DHRSX: variants seen among roughly 807,000 people sequenced by gnomAD.
The protein encoded by DHRSX is polyprenol dehydrogenase.
Under a neutral mutation model 34.0 loss-of-function variants are expected in DHRSX, and 31 were observed. The ratio of observed to expected loss-of-function variants is 0.91; its 90% CI spans 0.69 to 1.23. The LOEUF (loss-of-function observed/expected upper bound fraction) is 1.23, where lower values mean the gene tolerates loss of function less well. Among genes scored for constraint, DHRSX ranks in the 50% most tolerant of loss-of-function variants. The probability of loss-of-function intolerance (pLI) is 0.00; values close to 1 mark genes in which losing one functional copy is unlikely to be tolerated. For synonymous variants in DHRSX, 201 were observed against 183.8 expected, an observed-to-expected ratio of 1.09 and a Z score of -0.76; for missense variants, 414 against 428.1, an observed-to-expected ratio of 0.97 and a Z score of 0.29.
intron 3 of DHRSX, among the ~76,000 whole-genome samples, chrX:2,379,415 T>C (rs2043178503): frequency 6.6e-6 from 1 of 152,090 alleles, no homozygotes; most frequent in Non-Finnish European, 1.5e-5. Context: ...AACGAAGGGT[T>C]AATTAATCTG....
intron 3 of DHRSX, among the ~76,000 whole-genome samples, chrX:2,321,940 T>A (rs182944569): frequency 6.6e-6 from 1 of 152,172 alleles, no homozygotes; most frequent in Non-Finnish European, 1.5e-5. Context: ...CTCTTCTCTA[T>A]GATTTTTAAA....
At chrX:2,292,834 C>T (rs1277304264) in intron 3 of DHRSX, among the ~76,000 whole-genome samples, 1 of 151,686 alleles carries the variant, frequency 6.6e-6, no homozygotes, top group Non-Finnish European at 1.5e-5. Context: ...AGCTCTTCCA[C>T]GCTGCTCAGT....
intron 3 of DHRSX, among the ~76,000 whole-genome samples, chrX:2,314,482 GAA>G: frequency 8.4e-6 from 1 of 119,164 alleles, no homozygotes; most frequent in Non-Finnish European, 1.6e-5. Flanking sequence ...AGGAAGGAAG[GAA>G]GGAAGGGAGG....
At chrX:2,455,421 C>T (rs757919401) in intron 1 of DHRSX, among the ~76,000 whole-genome samples, 1 of 151,222 alleles carries the variant, frequency 6.6e-6, no homozygotes, top group Admixed American at 6.6e-5. Flanking sequence ...GTGTAACGAA[C>T]CTGCGCATGT....
intron 3 of DHRSX, among the ~76,000 whole-genome samples, chrX:2,357,568 G>A (rs1244737814): frequency 6.6e-6 from 1 of 151,918 alleles, no homozygotes; most frequent in Non-Finnish European, 1.5e-5. Flanking sequence ...AGAGCTCTTC[G>A]TCAATGTGAG....
chrX:2,489,861 G>A (rs766972081), intron 1 of DHRSX: 11 of 1,613,666 alleles, frequency 6.8e-6, no homozygotes, highest in Non-Finnish European at 7.6e-6. Flanking sequence ...CAGGGCATGT[G>A]CACTGCGACG....
At chrX:2,480,576 G>A in intron 1 of DHRSX, among the ~76,000 whole-genome samples, 1 of 151,882 alleles carries the variant, frequency 6.6e-6, no homozygotes, top group East Asian at 1.9e-4. Context: ...CCAGCTACTT[G>A]GGAGGCTGAG....
intron 5 of DHRSX, among the ~76,000 whole-genome samples, chrX:2,247,510 C>T (rs370976561): frequency 4.0e-5 from 6 of 151,554 alleles, no homozygotes; most frequent in East Asian, 2.0e-4. Context: ...AAAAATTACC[C>T]GGGCATGGTG....
chrX:2,341,564 T>C (rs1271351484), intron 3 of DHRSX, among the ~76,000 whole-genome samples: 1 of 151,696 alleles, frequency 6.6e-6, no homozygotes, highest in Non-Finnish European at 1.5e-5. Context: ...CAATCCAGGA[T>C]GATCTCATCT....
chrX:2,490,057 G>A (rs763736475), intron 1 of DHRSX: 14 of 1,613,608 alleles, frequency 8.7e-6, no homozygotes, highest in East Asian at 2.2e-5. Flanking sequence ...AGTTGGGGGC[G>A]CCCAGGCCCA....
chrX:2,368,637 G>C (rs973331313), intron 3 of DHRSX, among the ~76,000 whole-genome samples: 12 of 152,104 alleles, frequency 7.9e-5, no homozygotes. Flanking sequence ...ATCACTTGAG[G>C]TCAGGAGTTC....
intron 3 of DHRSX, among the ~76,000 whole-genome samples, chrX:2,298,231 A>C (rs1424520158): frequency 2.0e-5 from 3 of 151,884 alleles, no homozygotes; most frequent in East Asian, 1.9e-4. Flanking sequence ...GATGGAGCTC[A>C]GCCCTGAGAC....
chrX:2,371,233 CCCATTACCATAGTCCCTCCT>C (rs1415421610), intron 3 of DHRSX, among the ~76,000 whole-genome samples: 8 of 75,706 alleles, frequency 1.1e-4, no homozygotes, highest in East Asian at 1.0e-3. Flanking sequence ...GTAGTCCCTC[CCCATTACCATAGTCCCTCCT>C]CCATTACCAT....
At chrX:2,486,274 G>C (rs2044925804) in intron 1 of DHRSX, 1 of 152,130 alleles carries the variant, frequency 6.6e-6, no homozygotes, top group South Asian at 2.1e-4. Flanking sequence ...GAGGAGCACA[G>C]AACTGACCGT....
In DHRSX at chrX:2,317,256, C is replaced by CTTTTTTTTTTTTT. The variant is rs779722860; in HGVS notation, c.287-25666_287-25654dup. ...TACAGGCGTGAGCCACCGCGCCTGG[C>CTTTTTTTTTTTTT]TTTTTTTTTTTTTGAGACAGAGTCT... On this transcript the variant is annotated intron_variant, in intron 3 of 6. Coordinates refer to ENST00000334651, the MANE Select transcript of DHRSX (RefSeq NM_145177.3). 8.4e-3 allele frequency among the ~76,000 whole-genome samples: 729 copies of CTTTTTTTTTTTTT among 87,270 alleles called. 82 individuals are homozygous for CTTTTTTTTTTTTT. Among genetic ancestry groups the CTTTTTTTTTTTTT allele is most frequent in the Non-Finnish European group, 1.0e-2 (467 of 46,750 alleles). The allele number at this position is 87,270 out of a possible 152,430, so 57.3% of individuals were successfully genotyped here.
intron 3 of DHRSX, among the ~76,000 whole-genome samples, chrX:2,330,173 A>AGGAAG (rs1380205953): frequency 7.3e-5 from 10 of 136,328 alleles, no homozygotes; most frequent in Admixed American, 1.6e-4. Flanking sequence ...AGGAGGTGAA[A>AGGAAG]GAGGAGGAGG....
intron 3 of DHRSX, among the ~76,000 whole-genome samples, chrX:2,406,935 A>G (rs1375544466): frequency 6.6e-6 from 1 of 152,216 alleles, no homozygotes; most frequent in Non-Finnish European, 1.5e-5. Context: ...AAAGCAAATG[A>G]AATCAGTGTA....
intron 3 of DHRSX, among the ~76,000 whole-genome samples, chrX:2,315,263 T>C (rs1323487205): frequency 6.6e-6 from 1 of 152,006 alleles, no homozygotes; most frequent in East Asian, 1.9e-4. Context: ...CAAAGCCTCA[T>C]TGTGGAGGTT....
intron 3 of DHRSX, among the ~76,000 whole-genome samples, chrX:2,369,755 C>T (rs1315680997): frequency 2.6e-5 from 4 of 152,048 alleles, no homozygotes; most frequent in South Asian, 2.1e-4. Flanking sequence ...CCACCCACTT[C>T]GGCCTCCCCA....
Sources: gnomAD v4.1 joint callset for allele counts (sites outside exome capture counted in the v4.1 genomes callset) on GRCh38, gnomAD v4.1.1 for gene constraint, MANE v1.5 for transcripts, NCBI Gene and HGNC (gene_info 2026-07-23, HGNC 2026-07-21) for gene names.